KCNH7: variants seen among roughly 807,000 people sequenced by gnomAD.
KCNH7 encodes the protein potassium voltage-gated channel subfamily H member 7.
KCNH7 carries 49 observed loss-of-function variants against 120.8 expected under a neutral mutation model. The observed-to-expected ratio is 0.41, with a 90% confidence interval of 0.32 to 0.51. The LOEUF is 0.51. Among genes scored for constraint, KCNH7 ranks in the 20% least tolerant of loss-of-function variants. KCNH7 has a pLI of 0.38. For missense variants in KCNH7, 1,097 were observed against 1,446.6 expected (o/e 0.76, Z 3.92); for synonymous variants, 547 against 516.1 (o/e 1.06, Z -0.81).
chr2:162,486,223 T>C (rs1277229729), intron 6 of KCNH7, among the ~76,000 whole-genome samples: 1 of 152,146 alleles, frequency 6.6e-6, no homozygotes, highest in Non-Finnish European at 1.5e-5. Flanking sequence ...GTGACATCCT[T>C]GCTACCAACA....
chr2:162,526,846 C>A (rs1691723174), intron 3 of KCNH7, among the ~76,000 whole-genome samples: 1 of 151,988 alleles, frequency 6.6e-6, no homozygotes. Context: ...TAAAGACAGG[C>A]ATAGGAAATC....
intron 2 of KCNH7, among the ~76,000 whole-genome samples, chr2:162,617,261 C>T (rs1000511723): frequency 6.6e-6 from 1 of 152,014 alleles, no homozygotes; most frequent in Non-Finnish European, 1.5e-5. Flanking sequence ...GGGCAGATCA[C>T]GAGGTCAGGA....
At chr2:162,482,176 C>A (rs975842165) in intron 6 of KCNH7, among the ~76,000 whole-genome samples, 9 of 152,146 alleles carry the variant, frequency 5.9e-5, no homozygotes, top group Non-Finnish European at 1.3e-4. Flanking sequence ...GCCTATTAAA[C>A]TTACCTGGAG....
intron 2 of KCNH7, among the ~76,000 whole-genome samples, chr2:162,780,604 C>T (rs888641584): frequency 3.3e-5 from 5 of 152,098 alleles, no homozygotes; most frequent in Admixed American, 3.3e-4. Flanking sequence ...TCTGCAAAAT[C>T]GTTTTTATTT....
At position 162,512,654 on chromosome 2, in the gene KCNH7, C is replaced by A; in HGVS notation, c.913G>T (p.Gly305Trp). The A allele has an allele frequency of 6.2e-7, 1 of 1,608,700 alleles. No homozygotes were observed. Among genetic ancestry groups the A allele is most frequent in the Admixed American group, 1.7e-5 (1 of 59,504 alleles). The change falls in exon 5 of 16, where the codon GGG becomes TGG. Residue 305 changes from glycine (G) to tryptophan (W), a missense_variant and splice_region_variant. Physicochemically the swap from Gly to Trp is radical, Grantham distance 184 (BLOSUM62 -2). Coordinates refer to ENST00000332142, the MANE Select transcript of KCNH7 (RefSeq NM_033272.4). ...GGTGAAATTTGAGTTTGTACATTAC[C>A]TTTGACATTGCGACCATTGTCTGTT... ...ASEDNGRNVKGPFNHIKSSLL... is the reference protein window; with the variant it reads ...ASEDNGRNVKWPFNHIKSSLL...
intron 7 of KCNH7, among the ~76,000 whole-genome samples, chr2:162,441,479 TG>T (rs1293346598): frequency 6.6e-6 from 1 of 152,064 alleles, no homozygotes; most frequent in Non-Finnish European, 1.5e-5. Context: ...CTTCTTTGCT[TG>T]TATTCAGGAT....
intron 6 of KCNH7, among the ~76,000 whole-genome samples, chr2:162,473,721 C>A (rs1030555364): frequency 1.3e-5 from 2 of 152,028 alleles, no homozygotes; most frequent in African/African-American, 4.8e-5. Flanking sequence ...CTAATAGGGA[C>A]CATAGAGAAA....
intron 3 of KCNH7, among the ~76,000 whole-genome samples, chr2:162,536,555 G>A (rs912575291): frequency 3.3e-5 from 5 of 151,824 alleles, no homozygotes; most frequent in South Asian, 2.1e-4. Context: ...CATCACCCTT[G>A]ACCCAGGAAT....
At chr2:162,598,375 T>C (rs1391152099) in intron 2 of KCNH7, among the ~76,000 whole-genome samples, 1 of 152,078 alleles carries the variant, frequency 6.6e-6, no homozygotes, top group Non-Finnish European at 1.5e-5. Context: ...ATACAGAGAC[T>C]AATTTGATGG....
chr2:162,749,074 C>T (rs1200670033), intron 2 of KCNH7, among the ~76,000 whole-genome samples: 1 of 142,896 alleles, frequency 7.0e-6, no homozygotes, highest in African/African-American at 2.6e-5. Context: ...GAAGCAAGTA[C>T]ATATTCTAAA....
chr2:162,695,986 CAGAA>C (rs1686273326), intron 2 of KCNH7, among the ~76,000 whole-genome samples: 1 of 152,250 alleles, frequency 6.6e-6, no homozygotes, highest in African/African-American at 2.4e-5. Flanking sequence ...CCTAAAAACT[CAGAA>C]AGACCACTTT....
At chr2:162,669,969 G>A (rs1202876932) in intron 2 of KCNH7, among the ~76,000 whole-genome samples, 4 of 151,876 alleles carry the variant, frequency 2.6e-5, no homozygotes. Flanking sequence ...GTGTGGTGGA[G>A]CGTGCCTGTA....
At chr2:162,522,378 T>C (rs952887245) in intron 3 of KCNH7, among the ~76,000 whole-genome samples, 1 of 151,946 alleles carries the variant, frequency 6.6e-6, no homozygotes, top group Non-Finnish European at 1.5e-5. Flanking sequence ...TTTATTCCTA[T>C]AGTTTAGTCA....
rs748151311 is a variant in KCNH7 at position 162,504,492 on chromosome 2, G to A, written c.1079C>T (p.Ala360Val). 1 of 1,613,006 alleles carries A rather than the reference G, an allele frequency of 6.2e-7. No homozygotes were observed. The highest frequency in any genetic ancestry group is 8.5e-7 in the Non-Finnish European group (1 of 1,179,300). The change falls in exon 6 of 16, where the codon GCA (alanine) becomes GTA (valine). Residue 360 changes from alanine to valine, a missense_variant. Physicochemically the swap from Ala to Val is moderately conservative, Grantham distance 64. Coordinates refer to ENST00000332142, the MANE Select transcript of KCNH7 (RefSeq NM_033272.4). ...SPPSSDKTII[A>V]PKVKDRTHNV... is the part of the protein sequence containing the mutation. ...GTGTGTTCGATCTTTAACCTTGGGT[G>A]CAATAATGGTTTTATCTGAAGAAGG...
chr2:162,542,768 T>C (rs1692354101), intron 2 of KCNH7, among the ~76,000 whole-genome samples: 1 of 152,050 alleles, frequency 6.6e-6, no homozygotes. Flanking sequence ...ATATACCCAG[T>C]AATGGGATGG....
At chr2:162,408,221 A>G (rs1338386953) in intron 9 of KCNH7, among the ~76,000 whole-genome samples, 1 of 152,062 alleles carries the variant, frequency 6.6e-6, no homozygotes, top group East Asian at 1.9e-4. Context: ...GTTTTATAGA[A>G]AAGTAATAAA....
chr2:162,694,749 T>C (rs886856891), intron 2 of KCNH7, among the ~76,000 whole-genome samples: 6 of 135,846 alleles, frequency 4.4e-5, no homozygotes, highest in African/African-American at 1.5e-4. Context: ...CAAACTTGTA[T>C]TTTTTTTTTT....
chr2:162,387,009 A>G (rs1686593360), intron 12 of KCNH7, among the ~76,000 whole-genome samples: 1 of 151,518 alleles, frequency 6.6e-6, no homozygotes, highest in Non-Finnish European at 1.5e-5. Flanking sequence ...GGAGAAAATT[A>G]CTTCATATAC....
intron 2 of KCNH7, among the ~76,000 whole-genome samples, chr2:162,789,874 T>C (rs564208103): frequency 6.6e-6 from 1 of 151,946 alleles, no homozygotes; most frequent in African/African-American, 2.4e-5. Flanking sequence ...TTTATAGCAA[T>C]GAACACCTAT....
Sources: gnomAD v4.1 joint callset for allele counts (sites outside exome capture counted in the v4.1 genomes callset) on GRCh38, gnomAD v4.1.1 for gene constraint, MANE v1.5 for transcripts, NCBI Gene and HGNC (gene_info 2026-07-23, HGNC 2026-07-21) for gene names.